The following MTRFR variants were observed in gnomAD, a reference collection of about 807,000 sequenced individuals.
MTRFR encodes mitochondrial translation release factor in rescue.
MTRFR carries 10 observed loss-of-function variants against 11.9 expected under a neutral mutation model. The observed-to-expected ratio is 0.84, with a 90% confidence interval of 0.52 to 1.42. MTRFR has a LOEUF of 1.42. MTRFR is among the 40% of genes most tolerant of loss of function. MTRFR has a pLI of 0.00. For synonymous variants in MTRFR, 77 were observed against 79.1 expected (o/e 0.97, Z 0.14); for missense variants, 196 against 197.9 (o/e 0.99, Z 0.06).
intron 1 of MTRFR, among the ~76,000 whole-genome samples, chr12:123,244,266 C>G (rs1167748509): frequency 6.6e-6 from 1 of 152,020 alleles, no homozygotes; most frequent in East Asian, 1.9e-4. Flanking sequence ...AACCCTGTCT[C>G]TACTAAAAAT....
In MTRFR at chr12:123,253,728, G is replaced by A. The variant is rs188310109; in HGVS notation, c.54G>A (p.Pro18=). The A allele has an allele frequency of 1.6e-4, 258 of 1,614,088 alleles. No homozygotes were observed. The highest frequency in any genetic ancestry group is 1.2e-3 in the Middle Eastern group (7 of 6,062). Residue 18 remains proline, a synonymous_variant, in exon 2 of 3, where the codon CCG becomes CCA. Coordinates refer to ENST00000253233, the MANE Select transcript of MTRFR (RefSeq NM_152269.5). The part of the protein sequence containing the change: ...HFPTPLTRIC[P]APWGLRLWEK... ...CTACACCACTGACCCGAATATGCCCGGCGCCATGGGGACTCCGGCTTTGGG... is the reference window on the plus strand; with the variant it reads ...CTACACCACTGACCCGAATATGCCCAGCGCCATGGGGACTCCGGCTTTGGG...
chr12:123,249,669 A>C (rs1419524556), intron 1 of MTRFR: 2 of 152,404 alleles, frequency 1.3e-5, no homozygotes, highest in African/African-American at 4.8e-5. Context: ...ACACCTCCCC[A>C]CAAGCGGAGG....
Position 123,242,638 on chromosome 12 carries a change from C to T in MTRFR, c.-29+9107C>T, listed in dbSNP as rs185702128. Among the ~76,000 whole-genome samples, 116 of 152,238 alleles carry T rather than the reference C, an allele frequency of 7.6e-4. 1 individual carries two copies. The highest frequency in any genetic ancestry group is 1.6e-3 in the Admixed American group (25 of 15,266). Reference sequence around the variant, plus strand: ...AACAAAGCAGCCAGTAACTGAACACCGGAGACCTTCTTGAACTCCAGCTGG... The same window carrying T: ...AACAAAGCAGCCAGTAACTGAACACTGGAGACCTTCTTGAACTCCAGCTGG... On this transcript the variant is annotated intron_variant, in intron 1 of 2. Coordinates refer to ENST00000253233, the MANE Select transcript of MTRFR (RefSeq NM_152269.5).
In MTRFR at chr12:123,257,472, C is replaced by T. The variant is rs545696537; in HGVS notation, c.*441C>T. The T allele has an allele frequency of 3.4e-4, 64 of 185,908 alleles. 1 individual carries two copies. The South Asian group carries it at 6.4e-3, about 19-fold the overall frequency. The allele number at this position is 185,908 out of a possible 1,614,324, so 11.5% of individuals were successfully genotyped here. On this transcript the variant is annotated 3_prime_UTR_variant, in exon 3 of 3. Coordinates refer to ENST00000253233, the MANE Select transcript of MTRFR (RefSeq NM_152269.5). Reference sequence around the variant, plus strand: ...CGGAGGTTGCAGTGAGCTGAGATCGCGCCACTGCACTCAAGCCTGGGCAAC... The same window carrying T: ...CGGAGGTTGCAGTGAGCTGAGATCGTGCCACTGCACTCAAGCCTGGGCAAC...
rs1478088153 is a variant in MTRFR, at chr12:123,257,322, C to T, written c.*291C>T. The T allele has an allele frequency of 3.1e-6, 1 of 325,176 alleles. No homozygotes were observed. Among genetic ancestry groups the T allele is most frequent in the Non-Finnish European group, 5.8e-6 (1 of 173,154 alleles). The allele number at this position is 325,176 out of a possible 1,614,324, so 20.1% of individuals were successfully genotyped here. ...TTGAGGTCAGGAGTTTGAGACCAGC[C>T]TGGCCAACATGGTGAAACCCCGTCT... On this transcript the variant is annotated 3_prime_UTR_variant, in exon 3 of 3. Transcript: ENST00000253233.
intron 1 of MTRFR, among the ~76,000 whole-genome samples, chr12:123,242,437 CTT>C (rs1223926201): frequency 6.6e-6 from 1 of 152,150 alleles, no homozygotes; most frequent in Non-Finnish European, 1.5e-5. Context: ...TCCCTAAAGA[CTT>C]TGGATTACTC....
intron 1 of MTRFR, among the ~76,000 whole-genome samples, chr12:123,239,592 C>T (rs1009588069): frequency 5.9e-5 from 9 of 152,048 alleles, no homozygotes; most frequent in African/African-American, 1.9e-4. Context: ...TTAGTAGAGA[C>T]GGGGTTTCAC....
At chr12:123,245,668 T>G (rs1350773166) in intron 1 of MTRFR, among the ~76,000 whole-genome samples, 11 of 152,160 alleles carry the variant, frequency 7.2e-5, no homozygotes, top group Non-Finnish European at 1.6e-4. Flanking sequence ...TTTGCAGCTA[T>G]TGTAAAGGGG....
intron 1 of MTRFR, among the ~76,000 whole-genome samples, chr12:123,240,214 A>C (rs1335367802): frequency 1.3e-5 from 2 of 148,860 alleles, no homozygotes; most frequent in Admixed American, 1.3e-4. Context: ...AAATACAAAA[A>C]AAAAAAAAAA....
rs527999282 is a variant in MTRFR, at chr12:123,243,660, G to A, written c.-28-9987G>A. On this transcript the variant is annotated intron_variant, in intron 1 of 2. Transcript: ENST00000253233. The stretch of plus-strand genomic sequence containing the variant: ...GCGGAGGTTGCAGGGAGCCGAGATC[G>A]CGCCACTGTACTCCACCCTGGCGAC... Among the ~76,000 whole-genome samples, 6 of 152,122 alleles carry A rather than the reference G, an allele frequency of 3.9e-5. No homozygotes were observed. The South Asian group carries it at 6.2e-4, about 16-fold the overall frequency.
rs2047763798 is a variant in MTRFR, at chr12:123,233,491, T to C, written c.-69T>C. 6.6e-6 allele frequency: 1 copy of C among 152,198 alleles called. No individual in the cohort carries two copies. Among genetic ancestry groups the C allele is most frequent in the East Asian group, 1.9e-4 (1 of 5,200 alleles). 9.4% of individuals were successfully genotyped at this position (152,198 alleles called of 1,614,324 possible). On this transcript the variant is annotated 5_prime_UTR_variant, in exon 1 of 3. Coordinates refer to ENST00000253233, the MANE Select transcript of MTRFR (RefSeq NM_152269.5). ...ATCCTCCGCTGAGGTGATTTGGATA[T>C]CCCTAGAACGTTGAGGGCACGAGTC... is the stretch of plus-strand genomic sequence containing the variant.
intron 1 of MTRFR, among the ~76,000 whole-genome samples, chr12:123,240,092 G>A (rs986389922): frequency 6.6e-6 from 1 of 151,748 alleles, no homozygotes; most frequent in African/African-American, 2.4e-5. Flanking sequence ...CGCCGGGCAA[G>A]GTGGCTCACG....
rs147972301 is a variant in MTRFR, at chr12:123,256,998, A to G, written c.468A>G (p.Lys156=). 1.6e-4 allele frequency: 263 copies of G among 1,612,554 alleles called. 1 individual carries two copies. The African/African-American group carries it at 2.8e-3, about 17-fold the overall frequency. The part of the protein sequence containing the change: ...KETLEKKKLL[K]ELWESSKKVH ...CCCTGGAAAAAAAGAAGCTACTTAA[A>G]GAACTGTGGGAGTCAAGTAAAAAGG... Residue 156 remains lysine (K), a synonymous_variant, in exon 3 of 3, where the codon AAA becomes AAG. Transcript: ENST00000253233.
intron 1 of MTRFR, chr12:123,251,069 G>C (rs1485430325): frequency 6.6e-6 from 1 of 152,212 alleles, no homozygotes; most frequent in Non-Finnish European, 1.5e-5. Context: ...GTACCTAGGA[G>C]AGTTATGGCT....
chr12:123,253,918 G>A lies in MTRFR; in HGVS notation c.244G>A (p.Val82Met), dbSNP rs374311195. The A allele has an allele frequency of 2.3e-5, 37 of 1,614,076 alleles. No homozygotes were observed. The highest frequency in any genetic ancestry group is 1.6e-4 in the Middle Eastern group (1 of 6,082). The part of the protein sequence containing the change: ...GQATNKTSNC[V>M]VLKHIPSGIV... The stretch of plus-strand genomic sequence containing the variant: ...GGCAACCAACAAAACCAGCAACTGC[G>A]TGGTGCTGAAGCACATCCCCTCAGG... Residue 82 changes from valine to methionine, a missense_variant, in exon 2 of 3, where the codon GTG becomes ATG. Coordinates refer to ENST00000253233, the MANE Select transcript of MTRFR (RefSeq NM_152269.5).
chr12:123,244,999 GGCAAGCTGCACCATCTCAGCTCACT>G (rs896126551), intron 1 of MTRFR, among the ~76,000 whole-genome samples: 2 of 132,618 alleles, frequency 1.5e-5, no homozygotes, highest in African/African-American at 5.7e-5. Context: ...CAAGAGTGCA[GGCAAGCTGCACCATCTCAGCTCACT>G]GCAACCTCCA....
At chr12:123,246,305 G>A (rs1044709667) in intron 1 of MTRFR, among the ~76,000 whole-genome samples, 4 of 152,066 alleles carry the variant, frequency 2.6e-5, no homozygotes, top group Non-Finnish European at 4.4e-5. Context: ...CACACTCCTC[G>A]GCCTCCCAAA....
At chr12:123,246,155 T>G (rs2048036799) in intron 1 of MTRFR, among the ~76,000 whole-genome samples, 1 of 151,918 alleles carries the variant, frequency 6.6e-6, no homozygotes, top group African/African-American at 2.4e-5. Flanking sequence ...CCTCCCAGGT[T>G]CAAGCGGTTC....
At chr12:123,241,813 G>A (rs923562879) in intron 1 of MTRFR, among the ~76,000 whole-genome samples, 13 of 152,170 alleles carry the variant, frequency 8.5e-5, no homozygotes, top group African/African-American at 3.1e-4. Flanking sequence ...CCTGCAGATA[G>A]TCTGTCTTGG....
Sources: allele counts gnomAD v4.1 joint callset (sites outside exome capture counted in the v4.1 genomes callset), GRCh38; gene constraint gnomAD v4.1.1; transcripts MANE v1.5; gene names NCBI Gene and HGNC (gene_info 2026-07-23, HGNC 2026-07-21).